Variants in NPEPL1 observed in about 807,000 individuals in gnomAD.
The protein encoded by NPEPL1 is probable aminopeptidase NPEPL1.
A neutral mutation model predicts 52.4 loss-of-function variants in NPEPL1; 45 were observed. The observed-to-expected ratio is 0.86, with a 90% CI of 0.68 to 1.10. The LOEUF (loss-of-function observed/expected upper bound fraction) is 1.10. Ranked by LOEUF, NPEPL1 falls within the 50% of genes least tolerant of loss-of-function variation. NPEPL1 has a pLI of 0.00. For missense variants in NPEPL1, 696 were observed against 710.9 expected (o/e 0.98, Z 0.24); for synonymous variants, 360 against 314.7 (o/e 1.14, Z -1.52).
Position 58,693,879 on chromosome 20 carries a change from T to C in NPEPL1, c.293T>C (p.Leu98Pro), listed in dbSNP as rs2084405550. The part of the protein sequence containing the change: ...SPSAAHFITR[L>P]VRTCLPPGAH... ...TCGGCCGCCCACTTCATCACGCGGCTGGTGCGGACCTGCCTGCCGCCCGGA... is the reference window on the plus strand; with the variant it reads ...TCGGCCGCCCACTTCATCACGCGGCCGGTGCGGACCTGCCTGCCGCCCGGA... The change falls in exon 2 of 12, where the codon CTG (leucine) becomes CCG (proline). Residue 98 changes from leucine to proline, a missense_variant. Coordinates refer to ENST00000356091, the MANE Select transcript of NPEPL1 (RefSeq NM_024663.4). 4 of 1,612,876 alleles carry C rather than the reference T, an allele frequency of 2.5e-6. No individual in the cohort carries two copies. The highest frequency in any genetic ancestry group is 3.4e-6 in the Non-Finnish European group (4 of 1,179,546).
At chr20:58,712,241 A>G (rs2084863822) in intron 7 of NPEPL1, among the ~76,000 whole-genome samples, 1 of 152,152 alleles carries the variant, frequency 6.6e-6, no homozygotes, top group Non-Finnish European at 1.5e-5. Flanking sequence ...GCCCAGGCTC[A>G]TCCACTGCGG....
chr20:58,707,549 G>C (rs907250907), intron 7 of NPEPL1, among the ~76,000 whole-genome samples: 2 of 152,180 alleles, frequency 1.3e-5, no homozygotes, highest in African/African-American at 4.8e-5. Context: ...GTTGTTCTGC[G>C]TACCCCTCCC....
intron 7 of NPEPL1, among the ~76,000 whole-genome samples, chr20:58,712,111 ACGTG>A (rs1171620487): frequency 1.3e-3 from 64 of 47,476 alleles, no homozygotes; most frequent in Non-Finnish European, 2.2e-3. Flanking sequence ...CTGTGTGTGT[ACGTG>A]TGTGTGTGTG....
rs2084892594 is a variant in NPEPL1 at position 58,713,338 on chromosome 20, G to C, written c.1002-82G>C. ...GCCACAGGGATGGGCAGCTCCAAAT[G>C]GGGTCTCCCCAGTTTCAAAGGGGCT... is the stretch of plus-strand genomic sequence containing the variant. On this transcript the variant is annotated intron_variant, in intron 8 of 11. Coordinates refer to ENST00000356091, the MANE Select transcript of NPEPL1 (RefSeq NM_024663.4). This position sits in a 1 kb window ranked among gnomAD's most constrained non-coding sequence, Gnocchi z 4.6. 6.8e-7 allele frequency: 1 copy of C among 1,468,908 alleles called. No individual in the cohort carries two copies. Among genetic ancestry groups the C allele is most frequent in the African/African-American group, 1.4e-5 (1 of 71,038 alleles). The allele number at this position is 1,468,908 out of a possible 1,614,324, so 91.0% of individuals were successfully genotyped here.
At chr20:58,708,934 C>T (rs1352536757) in intron 7 of NPEPL1, among the ~76,000 whole-genome samples, 3 of 151,780 alleles carry the variant, frequency 2.0e-5, no homozygotes, top group Non-Finnish European at 2.9e-5. Context: ...GCCGTTCACC[C>T]CTGGTTACTC....
intron 10 of NPEPL1, 197 bp from the exon 11 acceptor site, chr20:58,714,363 C>T: frequency 1.7e-6 from 1 of 601,072 alleles, no homozygotes; most frequent in South Asian, 2.1e-5. Flanking sequence ...GCTGGCTTCC[C>T]CCTTGGCCTA....
upstream of NPEPL1, chr20:58,691,073 C>T (rs1427171289): frequency 1.4e-5 from 10 of 702,724 alleles, no homozygotes; most frequent in Middle Eastern, 2.3e-4. Context: ...TCAATCTCTT[C>T]GCCTGTGGAA....
rs746235671 is a variant in NPEPL1, at chr20:58,698,771, G to A, written c.595G>A (p.Glu199Lys). ...TGAGATGAACACCGACACCTTCCTC[G>A]AGGTTTGTGGCGTCATCAGGCCGGG... ...CNEMNTDTFLEEINKVGKELG... is the reference protein window; with the variant it reads ...CNEMNTDTFLKEINKVGKELG... The change falls in exon 4 of 12, where the codon GAG becomes AAG. Residue 199 changes from glutamate to lysine, a missense_variant and splice_region_variant. Coordinates refer to ENST00000356091, the MANE Select transcript of NPEPL1 (RefSeq NM_024663.4). The A allele has an allele frequency of 7.4e-6, 12 of 1,611,990 alleles. No homozygotes were observed. The highest frequency in any genetic ancestry group is 2.2e-5 in the East Asian group (1 of 44,876).
At chr20:58,712,800 C>T in intron 8 of NPEPL1, 3 of 656,242 alleles carry the variant, frequency 4.6e-6, no homozygotes, top group South Asian at 1.5e-5. Context: ...GGCTCCCGTG[C>T]AGTGCCTGGC....
At chr20:58,707,350 T>C (rs1164239964) in intron 7 of NPEPL1, 150 bp downstream of exon 7, 1 of 776,514 alleles carries the variant, frequency 1.3e-6, no homozygotes, top group South Asian at 1.8e-5. Context: ...CCCCAGGCTC[T>C]TCTGGGGCCC....
chr20:58,691,036 C>T, upstream of NPEPL1: 1 of 699,704 alleles, frequency 1.4e-6, no homozygotes, highest in Non-Finnish European at 2.6e-6. Context: ...CCTCCCAGGA[C>T]TTCTCCCACG....
At chr20:58,691,688 C>CTTTTCTTTTTTTTTTTT, upstream of NPEPL1, 7 of 696,550 alleles carry the variant, frequency 1.0e-5, no homozygotes, top group East Asian at 3.3e-5. Flanking sequence ...TTCTTTTTTT[C>CTTTTCTTTTTTTTTTTT]TTTTCTTTTT....
chr20:58,699,782 G>T (rs1194012863), intron 5 of NPEPL1, among the ~76,000 whole-genome samples: 2 of 152,214 alleles, frequency 1.3e-5, no homozygotes, highest in South Asian at 4.1e-4. Flanking sequence ...GAACCAGAGG[G>T]GCAGATAAGT....
intron 6 of NPEPL1, among the ~76,000 whole-genome samples, chr20:58,702,386 C>T (rs749548291): frequency 1.3e-5 from 2 of 152,224 alleles, no homozygotes; most frequent in African/African-American, 2.4e-5. Context: ...AGCTGCTGTT[C>T]AGGGTGGCGC....
intron 6 of NPEPL1, among the ~76,000 whole-genome samples, chr20:58,701,873 G>A (rs1467634294): frequency 6.6e-6 from 1 of 152,180 alleles, no homozygotes; most frequent in Non-Finnish European, 1.5e-5. Flanking sequence ...ACGGCTTTCT[G>A]TCCTGCCATC....
intron 7 of NPEPL1, among the ~76,000 whole-genome samples, chr20:58,710,097 G>A (rs1048814510): frequency 6.9e-6 from 1 of 144,172 alleles, no homozygotes; most frequent in African/African-American, 2.7e-5. Flanking sequence ...GGTGTGCAGT[G>A]GTGCGATCTC....
At chr20:58,711,896 C>T (rs1039029453) in intron 7 of NPEPL1, among the ~76,000 whole-genome samples, 58 of 152,252 alleles carry the variant, frequency 3.8e-4, no homozygotes, top group Admixed American at 2.0e-4. Flanking sequence ...AGGGCAGGGA[C>T]AGGGGTCTGG....
In NPEPL1 at chr20:58,694,535, C is replaced by T. The variant is rs150728676; in HGVS notation, c.450C>T (p.Thr150=). The T allele has an allele frequency of 1.1e-3, 1,841 of 1,614,006 alleles. 5 individuals carry two copies. The highest frequency in any genetic ancestry group is 1.3e-3 in the Non-Finnish European group (1,492 of 1,179,884). The change falls in exon 3 of 12, where the codon ACC becomes ACT. Residue 150 remains threonine, a synonymous_variant. Coordinates refer to ENST00000356091, the MANE Select transcript of NPEPL1 (RefSeq NM_024663.4). ...GGCGCTTGGAGAAGAAGACGGTCAC[C>T]GTGGAGTTTTTCCTGGTGGGACAAG... ...ASRRLEKKTV[T]VEFFLVGQDN... is the part of the protein sequence containing the mutation.
chr20:58,696,144 G>A (rs142355040), intron 3 of NPEPL1, among the ~76,000 whole-genome samples: 150 of 152,292 alleles, frequency 9.8e-4, no homozygotes, highest in African/African-American at 3.4e-3. Flanking sequence ...CCTTATTTCC[G>A]AGGACAGCAG....
Sources: allele counts gnomAD v4.1 joint callset (sites outside exome capture counted in the v4.1 genomes callset), GRCh38; gene constraint gnomAD v4.1.1; non-coding constraint Gnocchi (gnomAD v3.1); transcripts MANE v1.5; gene names NCBI Gene and HGNC (gene_info 2026-07-23, HGNC 2026-07-21).